Variants in PSIP1 observed in about 807,000 individuals in gnomAD.
PSIP1 encodes the protein PC4 and SRSF1 interacting protein 1.
Under a neutral mutation model 74.7 loss-of-function variants are expected in PSIP1, and 19 were observed. That is an observed-to-expected ratio of 0.25 (90% CI 0.18 to 0.37). The LOEUF is 0.37. PSIP1 is among the 10% of genes least tolerant of loss of function. The pLI is 1.00. For synonymous variants in PSIP1, 222 were observed against 195.3 expected (o/e 1.14, Z -1.14); for missense variants, 601 against 614.3 (o/e 0.98, Z 0.23).
At chr9:15,493,377 T>G (rs540694336) in intron 3 of PSIP1, among the ~76,000 whole-genome samples, 1 of 152,320 alleles carries the variant, frequency 6.6e-6, no homozygotes, top group Admixed American at 6.5e-5. Context: ...TATCAGCATT[T>G]GGGTCAAAGC....
intron 6 of PSIP1, among the ~76,000 whole-genome samples, chr9:15,481,256 A>T (rs966568613): frequency 6.6e-6 from 1 of 152,246 alleles, no homozygotes; most frequent in Non-Finnish European, 1.5e-5. Flanking sequence ...AGAACTCAAG[A>T]CTGAGAGCTC....
At chr9:15,503,125 G>A (rs1354023429) in intron 3 of PSIP1, among the ~76,000 whole-genome samples, 3 of 152,192 alleles carry the variant, frequency 2.0e-5, no homozygotes, top group Admixed American at 1.3e-4. Context: ...CCAGCACTTT[G>A]GGAGGCCAAG....
Position 15,466,333 on chromosome 9 carries a change from G to A in PSIP1, c.1532+415C>T, listed in dbSNP as rs1255611968. 2.6e-5 allele frequency among the ~76,000 whole-genome samples: 4 copies of A among 152,188 alleles called. No individual in the cohort carries two copies. In the East Asian group the frequency reaches 5.8e-4, roughly 22 times the overall value. On this transcript the variant is annotated intron_variant, in intron 15 of 15. Transcript: ENST00000380733. ...AGTGGAGGTTGCAGTGAGCACGATC[G>A]TGCCATTGCACTCCAGCCTGAGCAA... is the stretch of plus-strand genomic sequence containing the variant.
intron 3 of PSIP1, 100 bp downstream of exon 3, chr9:15,506,461 G>A (rs1488066340): frequency 1.2e-6 from 1 of 825,966 alleles, no homozygotes; most frequent in Admixed American, 2.4e-5. Context: ...AGATTTTAAA[G>A]TTTCCTATTA....
chr9:15,475,566 T>G (rs2036040298), intron 8 of PSIP1, among the ~76,000 whole-genome samples: 1 of 152,188 alleles, frequency 6.6e-6, no homozygotes, highest in Non-Finnish European at 1.5e-5. Flanking sequence ...ATGACAATGT[T>G]TTTAAAATCG....
At chr9:15,488,763 T>C (rs900665905) in intron 4 of PSIP1, among the ~76,000 whole-genome samples, 3 of 152,046 alleles carry the variant, frequency 2.0e-5, no homozygotes, top group African/African-American at 7.3e-5. Flanking sequence ...GGCTCAGGCC[T>C]GTAATCCCAA....
intron 8 of PSIP1, among the ~76,000 whole-genome samples, chr9:15,474,495 GAC>G (rs750560585): frequency 2.0e-5 from 3 of 152,186 alleles, no homozygotes; most frequent in Non-Finnish European, 4.4e-5. Context: ...TTAAAAAGTA[GAC>G]ACACTGGGAC....
chr9:15,488,323 T>C (rs180743561), intron 4 of PSIP1, among the ~76,000 whole-genome samples: 64 of 152,168 alleles, frequency 4.2e-4, no homozygotes, highest in Non-Finnish European at 8.4e-4. Flanking sequence ...AGAGTGAGAC[T>C]CCATCTCAAC....
Position 15,464,966 on chromosome 9 carries a change from A to G in PSIP1, c.*554T>C, listed in dbSNP as rs899124859. On this transcript the variant is annotated 3_prime_UTR_variant, in exon 16 of 16. Coordinates refer to ENST00000380733, the MANE Select transcript of PSIP1 (RefSeq NM_033222.5). Reference sequence around the variant, plus strand: ...TACAGAGCACACATTGTTCCAAAGAAGCTGGATAATGTAGCACAATGTAGA... The same window carrying G: ...TACAGAGCACACATTGTTCCAAAGAGGCTGGATAATGTAGCACAATGTAGA... 11 of 217,410 alleles carry G rather than the reference A, an allele frequency of 5.1e-5. No homozygotes were observed. The East Asian group carries it at 6.9e-4, about 14-fold the overall frequency. The allele number at this position is 217,410 out of a possible 1,614,324, so 13.5% of individuals were successfully genotyped here.
intron 2 of PSIP1, 72 bp downstream of exon 2, chr9:15,510,041 TAAAG>T: frequency 2.8e-6 from 4 of 1,405,302 alleles, no homozygotes; most frequent in East Asian, 5.0e-5. Flanking sequence ...GAAGAAAAAA[TAAAG>T]AGACACGGTG....
At chr9:15,476,412 G>A (rs2036080673) in intron 8 of PSIP1, among the ~76,000 whole-genome samples, 1 of 152,196 alleles carries the variant, frequency 6.6e-6, no homozygotes, top group Non-Finnish European at 1.5e-5. Flanking sequence ...GGCTTTGGGT[G>A]AAGAAGTTTC....
chr9:15,501,968 G>T (rs1382443663), intron 3 of PSIP1, among the ~76,000 whole-genome samples: 1 of 151,848 alleles, frequency 6.6e-6, no homozygotes, highest in African/African-American at 2.4e-5. Flanking sequence ...CTACACAGCA[G>T]GAGGGAGGCA....
At chr9:15,488,792 C>T (rs138756607) in intron 4 of PSIP1, among the ~76,000 whole-genome samples, 100 of 151,256 alleles carry the variant, frequency 6.6e-4, no homozygotes, top group South Asian at 1.5e-3. Flanking sequence ...GGGGCCGAGG[C>T]GGGCGGATCA....
chr9:15,475,995 A>G (rs1427275625), intron 8 of PSIP1, among the ~76,000 whole-genome samples: 2 of 152,202 alleles, frequency 1.3e-5, no homozygotes, highest in African/African-American at 2.4e-5. Flanking sequence ...TCTGGGCTCT[A>G]TTCTACTGTT....
At chr9:15,477,562 T>C (rs1034134371) in intron 8 of PSIP1, among the ~76,000 whole-genome samples, 1 of 152,080 alleles carries the variant, frequency 6.6e-6, no homozygotes. Context: ...CATACCCCAC[T>C]TAAGCCTTTC....
At chr9:15,471,919 A>G (rs912217092) in intron 10 of PSIP1, 2 of 982,092 alleles carry the variant, frequency 2.0e-6, no homozygotes, top group Non-Finnish European at 2.4e-6. Context: ...AGAAAAGAAA[A>G]GCATGTCAGA....
intron 3 of PSIP1, among the ~76,000 whole-genome samples, chr9:15,499,524 T>A (rs888105948): frequency 1.3e-5 from 2 of 152,146 alleles, no homozygotes; most frequent in African/African-American, 4.8e-5. Context: ...ATAATATGAA[T>A]ACCCACAAGA....
intron 3 of PSIP1, among the ~76,000 whole-genome samples, chr9:15,493,314 C>T (rs1383485757): frequency 6.6e-6 from 1 of 152,086 alleles, no homozygotes; most frequent in East Asian, 1.9e-4. Context: ...TCCCAACACG[C>T]TCCTCATCTC....
Position 15,464,639 on chromosome 9 carries a change from T to C in PSIP1, c.*881A>G, listed in dbSNP as rs1449457392. 5.0e-6 allele frequency: 1 copy of C among 198,510 alleles called. No individual in the cohort carries two copies. Among genetic ancestry groups the C allele is most frequent in the East Asian group, 7.9e-5 (1 of 12,652 alleles). 12.3% of individuals were successfully genotyped at this position (198,510 alleles called of 1,614,324 possible). On this transcript the variant is annotated 3_prime_UTR_variant, in exon 16 of 16. Coordinates refer to ENST00000380733, the MANE Select transcript of PSIP1 (RefSeq NM_033222.5). ...TTATTGTATAAGCATCATGATTTTT[T>C]CTTCCAATTAAGTTTTAGTGACTTC...
Sources: gnomAD v4.1 joint callset for allele counts (sites outside exome capture counted in the v4.1 genomes callset) on GRCh38, gnomAD v4.1.1 for gene constraint, MANE v1.5 for transcripts, NCBI Gene and HGNC (gene_info 2026-07-23, HGNC 2026-07-21) for gene names.